The following ACAP2 variants were observed in gnomAD, a reference collection of about 807,000 sequenced individuals.
ACAP2 encodes the protein ArfGAP with coiled-coil, ankyrin repeat and PH domains 2.
ACAP2 carries 39 observed loss-of-function variants against 115.8 expected under a neutral mutation model. That is an observed-to-expected ratio of 0.34 (90% CI 0.26 to 0.44). ACAP2 has a LOEUF of 0.44. Ranked by LOEUF, ACAP2 falls within the 20% of genes least tolerant of loss-of-function variation. The pLI is 1.00. For synonymous variants in ACAP2, 289 were observed against 315.8 expected (o/e 0.92, Z 0.90); for missense variants, 662 against 927.6 (o/e 0.71, Z 3.72).
intron 1 of ACAP2, among the ~76,000 whole-genome samples, chr3:195,408,226 C>G (rs1245384212): frequency 6.6e-6 from 1 of 152,092 alleles, no homozygotes; most frequent in African/African-American, 2.4e-5. Context: ...CTTTGGGAGC[C>G]CAAGGCAGGC....
At chr3:195,390,097 G>T (rs562527992) in intron 2 of ACAP2, among the ~76,000 whole-genome samples, 1 of 152,330 alleles carries the variant, frequency 6.6e-6, no homozygotes, top group South Asian at 2.1e-4. Context: ...TTAGGAGGCT[G>T]AGGCAGGAGA....
intron 10 of ACAP2, among the ~76,000 whole-genome samples, chr3:195,312,407 T>C (rs1007411170): frequency 6.6e-5 from 10 of 152,208 alleles, no homozygotes; most frequent in African/African-American, 2.2e-4. Context: ...TAGTTACTGC[T>C]CAAATTTTTA....
chr3:195,354,482 T>G (rs1480848979), intron 4 of ACAP2, among the ~76,000 whole-genome samples: 3 of 152,236 alleles, frequency 2.0e-5, no homozygotes, highest in Non-Finnish European at 4.4e-5. Flanking sequence ...TATGTCTTCT[T>G]TTGAGAAATG....
In ACAP2 at chr3:195,442,788, C is replaced by G. The variant is rs550077624; in HGVS notation, c.53+7G>C. On this transcript the variant is annotated splice_region_variant and intron_variant, in intron 1 of 22. Transcript: ENST00000326793. ...CCGCGGTGACGCCGGGCGGCCGTGC[C>G]GGTTACCTGAAGCGGGGCGAGTCCT... 2 of 1,527,932 alleles carry G rather than the reference C, an allele frequency of 1.3e-6. No individual in the cohort carries two copies. The highest frequency in any genetic ancestry group is 1.4e-5 in the African/African-American group (1 of 69,452). The allele number at this position is 1,527,932 out of a possible 1,614,324, so 94.6% of individuals were successfully genotyped here. A position where few individuals can be genotyped will look rare whatever the true frequency, so the allele number is the denominator to read the frequency against.
At chr3:195,429,378 CAAAAAA>C (rs546876570) in intron 1 of ACAP2, among the ~76,000 whole-genome samples, 2 of 89,106 alleles carry the variant, frequency 2.2e-5, no homozygotes, top group African/African-American at 8.1e-5. Flanking sequence ...GACTCCATCT[CAAAAAA>C]AAAAAAAAAA....
At chr3:195,303,097 T>C (rs1728175527) in intron 13 of ACAP2, among the ~76,000 whole-genome samples, 2 of 152,122 alleles carry the variant, frequency 1.3e-5, no homozygotes. Flanking sequence ...ACACCTGTGA[T>C]CCCAGCTACT....
chr3:195,316,080 TAAA>T (rs1560234864), intron 10 of ACAP2, among the ~76,000 whole-genome samples: 2 of 152,138 alleles, frequency 1.3e-5, no homozygotes, highest in Admixed American at 6.5e-5. Flanking sequence ...TTCACTTTGT[TAAA>T]CTTTAAGTAG....
chr3:195,279,474 T>A, intron 22 of ACAP2, 46 bp from the exon 23 acceptor site: 1 of 1,246,586 alleles, frequency 8.0e-7, no homozygotes, highest in Non-Finnish European at 1.1e-6. Context: ...ACACAAGTAT[T>A]AATCAAACAA....
chr3:195,337,846 T>A (rs1340846713), intron 6 of ACAP2, among the ~76,000 whole-genome samples: 1 of 152,206 alleles, frequency 6.6e-6, no homozygotes, highest in Non-Finnish European at 1.5e-5. Context: ...GGCCCCTACC[T>A]ACCTTACCTC....
rs781114405 is a variant in ACAP2, at chr3:195,429,212, ACCCCATCT to A, written c.53+13575_53+13582del. Among the ~76,000 whole-genome samples the A allele has an allele frequency of 6.6e-5, 10 of 151,648 alleles. 1 individual carries two copies. In the South Asian group the frequency reaches 2.1e-3, roughly 32 times the overall value. ...AGACCAGCCTGGCCAACATGATAAAACCCCATCTCCGCTAAATATACAAAAATTAGTCG... is the reference window on the plus strand; with the variant it reads ...AGACCAGCCTGGCCAACATGATAAAACCGCTAAATATACAAAAATTAGTCG... On this transcript the variant is annotated intron_variant, in intron 1 of 22. Transcript: ENST00000326793.
At chr3:195,377,724 AAAG>A (rs1733649849) in intron 4 of ACAP2, among the ~76,000 whole-genome samples, 1 of 152,196 alleles carries the variant, frequency 6.6e-6, no homozygotes, top group Non-Finnish European at 1.5e-5. Flanking sequence ...TTAACTATAA[AAAG>A]AAGAAAATTA....
intron 10 of ACAP2, among the ~76,000 whole-genome samples, chr3:195,314,873 T>A (rs756309111): frequency 3.9e-5 from 6 of 152,258 alleles, no homozygotes; most frequent in Non-Finnish European, 8.8e-5. Context: ...TTTAAGAAAT[T>A]TAAATTCCAA....
chr3:195,438,959 G>C (rs1298506310), intron 1 of ACAP2, among the ~76,000 whole-genome samples: 1 of 152,076 alleles, frequency 6.6e-6, no homozygotes, highest in East Asian at 1.9e-4. Flanking sequence ...TACTCGGGAG[G>C]CTGAGGCAGG....
At chr3:195,417,769 G>A (rs1713859681) in intron 1 of ACAP2, among the ~76,000 whole-genome samples, 1 of 151,990 alleles carries the variant, frequency 6.6e-6, no homozygotes, top group African/African-American at 2.4e-5. Flanking sequence ...GCAACATACA[G>A]AAACTCCATC....
intron 4 of ACAP2, among the ~76,000 whole-genome samples, chr3:195,346,591 G>A (rs1018055804): frequency 6.6e-6 from 1 of 152,106 alleles, no homozygotes; most frequent in African/African-American, 2.4e-5. Flanking sequence ...AAAAGACAGA[G>A]TCTATAGTTT....
intron 15 of ACAP2, among the ~76,000 whole-genome samples, chr3:195,299,705 G>A (rs1727901518): frequency 6.6e-6 from 1 of 152,074 alleles, no homozygotes. Flanking sequence ...GGGTGTGGTG[G>A]TGGGCACCTG....
At chr3:195,426,939 G>A (rs921495161) in intron 1 of ACAP2, among the ~76,000 whole-genome samples, 3 of 139,188 alleles carry the variant, frequency 2.2e-5, no homozygotes, top group East Asian at 2.2e-4. Context: ...CCCGCCACCC[G>A]CCCCCACCAA....
intron 10 of ACAP2, among the ~76,000 whole-genome samples, chr3:195,314,478 A>G (rs1728964596): frequency 6.6e-6 from 1 of 152,152 alleles, no homozygotes; most frequent in Admixed American, 6.5e-5. Flanking sequence ...CATGTTGGCC[A>G]GGCGGGTCTT....
intron 8 of ACAP2, among the ~76,000 whole-genome samples, chr3:195,330,092 GCTA>G (rs1450514176): frequency 5.9e-5 from 9 of 151,874 alleles, no homozygotes; most frequent in Non-Finnish European, 8.8e-5. Context: ...GCAAGTATAC[GCTA>G]CTGATTCATT....
Sources: gnomAD v4.1 joint callset for allele counts (sites outside exome capture counted in the v4.1 genomes callset) on GRCh38, gnomAD v4.1.1 for gene constraint, MANE v1.5 for transcripts, NCBI Gene and HGNC (gene_info 2026-07-23, HGNC 2026-07-21) for gene names.